The following CES1 variants were observed in gnomAD, a reference collection of about 807,000 sequenced individuals.
CES1 encodes carboxylesterase 1, also known as liver carboxylesterase 1.
In CES1, 50 loss-of-function variants were observed where a neutral mutation model predicts 53.0. The ratio of observed to expected loss-of-function variants is 0.94; its 90% CI spans 0.75 to 1.19. CES1 has a LOEUF of 1.19. Among genes scored for constraint, CES1 ranks in the 50% most tolerant of loss-of-function variants. The pLI is 0.00. For missense variants in CES1, 534 were observed against 538.0 expected (o/e 0.99, Z 0.07); for synonymous variants, 202 against 210.1 (o/e 0.96, Z 0.33).
intron 1 of CES1, among the ~76,000 whole-genome samples, chr16:55,830,818 G>GT (rs59008496): frequency 1.3e-5 from 2 of 150,596 alleles, no homozygotes; most frequent in African/African-American, 2.4e-5. Context: ...AGGAAGGAAG[G>GT]AAGGCAGGCA....
intron 7 of CES1, among the ~76,000 whole-genome samples, chr16:55,818,634 C>T (rs1210949788): frequency 3.3e-5 from 5 of 151,792 alleles, no homozygotes; most frequent in Non-Finnish European, 5.9e-5. Flanking sequence ...ACTCAACCTG[C>T]GAAGTATATG....
chr16:55,814,997 A>C (rs1437282928), intron 8 of CES1, among the ~76,000 whole-genome samples: 1 of 152,254 alleles, frequency 6.6e-6, no homozygotes, highest in Non-Finnish European at 1.5e-5. Context: ...GATGCAGGGC[A>C]GACTACGTGG....
chr16:55,822,608 G>T (rs28394848), intron 4 of CES1, among the ~76,000 whole-genome samples: 97,070 of 150,628 alleles, frequency 0.64, 33,608 homozygotes, highest in Non-Finnish European at 0.79. Flanking sequence ...GGAGGAGGGA[G>T]TGAGTGATGC....
intron 7 of CES1, among the ~76,000 whole-genome samples, chr16:55,818,176 C>T (rs1292409425): frequency 5.9e-5 from 9 of 152,186 alleles, no homozygotes; most frequent in African/African-American, 1.2e-4. Context: ...CACACTCTTC[C>T]CCCTCAAAGG....
At chr16:55,828,642 T>A in intron 2 of CES1, 125 bp downstream of exon 2, 1 of 1,071,240 alleles carries the variant, frequency 9.3e-7, no homozygotes, top group Non-Finnish European at 1.4e-6. Context: ...TTCTGGAATG[T>A]TCTTAAGGAT....
At chr16:55,816,814 A>T in intron 8 of CES1, 110 bp downstream of exon 8, 1 of 1,314,180 alleles carries the variant, frequency 7.6e-7, no homozygotes, top group Non-Finnish European at 1.1e-6. Context: ...AGAAACAAAC[A>T]CGCAGGAGTT....
chr16:55,821,074 A>AAGAGAGAGAG (rs59890072), intron 5 of CES1, among the ~76,000 whole-genome samples: 6 of 149,732 alleles, frequency 4.0e-5, no homozygotes, highest in South Asian at 2.1e-4. Context: ...GAGAGAGAGA[A>AAGAGAGAGAG]AGAGAGAGAG....
At chr16:55,821,577 C>A in intron 4 of CES1, 56 bp from the exon 5 acceptor site, 2 of 1,596,478 alleles carry the variant, frequency 1.3e-6, no homozygotes, top group Non-Finnish European at 1.7e-6. Context: ...GCAGGACCTT[C>A]AGGACCACAG....
chr16:55,816,653 T>C (rs1242846201), intron 8 of CES1, among the ~76,000 whole-genome samples: 2 of 151,890 alleles, frequency 1.3e-5, no homozygotes, highest in African/African-American at 4.8e-5. Context: ...GAGCAGAAAA[T>C]GTAAAAAAGA....
At chr16:55,815,728 C>T (rs1425590666) in intron 8 of CES1, among the ~76,000 whole-genome samples, 1 of 149,894 alleles carries the variant, frequency 6.7e-6, no homozygotes, top group African/African-American at 2.5e-5. Flanking sequence ...TGGATTATGG[C>T]AATGCAGTGG....
chr16:55,826,365 C>T, intron 2 of CES1, 70 bp from the exon 3 acceptor site: 2 of 1,578,472 alleles, frequency 1.3e-6, no homozygotes, highest in South Asian at 1.1e-5. Context: ...ACGGCAGCGC[C>T]TTGGACTGGG....
At position 55,828,187 on chromosome 16, in the gene CES1, T is replaced by TCGG; in HGVS notation, c.260+579_260+580insCCG. 5 of 189,896 alleles carry TCGG rather than the reference T, an allele frequency of 2.6e-5. No individual in the cohort carries two copies. In the South Asian group the frequency reaches 3.1e-4, roughly 12 times the overall value. The allele number at this position is 189,896 out of a possible 1,614,324, so 11.8% of individuals were successfully genotyped here. A position where few individuals can be genotyped will look rare whatever the true frequency, so the allele number is the denominator to read the frequency against. On this transcript the variant is annotated intron_variant, in intron 2 of 13. Transcript: ENST00000360526. Reference sequence around the variant, plus strand: ...GTGATGGTGAGGCCAATTAGAACCTTTGGGCTTTTCTTCCCAGCTTGGCCA... The same window carrying TCGG: ...GTGATGGTGAGGCCAATTAGAACCTTCGGTGGGCTTTTCTTCCCAGCTTGGCCA...
chr16:55,822,813 G>A (rs1233110734), intron 4 of CES1, among the ~76,000 whole-genome samples: 2 of 152,112 alleles, frequency 1.3e-5, no homozygotes, highest in Non-Finnish European at 2.9e-5. Context: ...GAAGTCCTGA[G>A]AGGTTGGGTG....
chr16:55,820,643 A>G (rs1254328205), intron 5 of CES1, among the ~76,000 whole-genome samples, 164 bp from the exon 6 acceptor site: 2 of 152,000 alleles, frequency 1.3e-5, no homozygotes, highest in African/African-American at 2.4e-5. Flanking sequence ...AAGTCTTCCT[A>G]CAGCTCCCAG....
At chr16:55,832,857 C>CTCCAAG in intron 1 of CES1, 147 bp downstream of exon 1, 2 of 827,638 alleles carry the variant, frequency 2.4e-6, no homozygotes, top group Non-Finnish European at 4.1e-6. Flanking sequence ...GGCTCAGCTG[C>CTCCAAG]TCCAAGTCCA....
At chr16:55,828,606 TA>T (rs1314212039) in intron 2 of CES1, among the ~76,000 whole-genome samples, 160 bp downstream of exon 2, 1 of 152,038 alleles carries the variant, frequency 6.6e-6, no homozygotes, top group East Asian at 1.9e-4. Flanking sequence ...ATGTGTTAAA[TA>T]ATGGACTCCA....
intron 1 of CES1, among the ~76,000 whole-genome samples, chr16:55,830,614 C>T (rs1158876930): frequency 1.3e-5 from 2 of 151,868 alleles, no homozygotes; most frequent in Non-Finnish European, 2.9e-5. Flanking sequence ...ACCAGCCTGG[C>T]CAACATGGTG....
Position 55,820,026 on chromosome 16 carries a change from A to G in CES1, c.801+346T>C, listed in dbSNP as rs1439090411. The G allele has an allele frequency of 3.6e-5, 20 of 552,842 alleles. No individual in the cohort carries two copies. The East Asian group carries it at 6.2e-4, about 17-fold the overall frequency. The allele number at this position is 552,842 out of a possible 1,614,324, so 34.2% of individuals were successfully genotyped here. On this transcript the variant is annotated intron_variant, in intron 6 of 13. Coordinates refer to ENST00000360526, the MANE Select transcript of CES1 (RefSeq NM_001025195.2). ...AGGCAGACCCAGAGAGACACAAGAC[A>G]CCATCACTGCCCAACATGGCACCAG... is the stretch of plus-strand genomic sequence containing the variant.
rs148763301 is a variant in CES1, at chr16:55,820,961, C to A, written c.693+407G>T. Among the ~76,000 whole-genome samples the A allele has an allele frequency of 7.7e-4, 118 of 152,288 alleles. 1 individual carries two copies. The highest frequency in any genetic ancestry group is 2.8e-3 in the African/African-American group (115 of 41,530). On this transcript the variant is annotated intron_variant, in intron 5 of 13. Coordinates refer to ENST00000360526, the MANE Select transcript of CES1 (RefSeq NM_001025195.2). ...AGGTCTGGTTTAGCCAAACAATGACCTCTGTCCACCTCTTCTCTCTGCCTG... is the reference window on the plus strand; with the variant it reads ...AGGTCTGGTTTAGCCAAACAATGACATCTGTCCACCTCTTCTCTCTGCCTG...
Sources: gnomAD v4.1 joint callset for allele counts (sites outside exome capture counted in the v4.1 genomes callset) on GRCh38, gnomAD v4.1.1 for gene constraint, MANE v1.5 for transcripts, NCBI Gene and HGNC (gene_info 2026-07-23, HGNC 2026-07-21) for gene names.